PAK5: variants seen among roughly 807,000 people sequenced by gnomAD.
PAK5 encodes the protein serine/threonine-protein kinase PAK 5.
PAK5 carries 16 observed loss-of-function variants against 65.9 expected under a neutral mutation model. That is an observed-to-expected ratio of 0.24 (90% CI 0.16 to 0.37). The LOEUF (loss-of-function observed/expected upper bound fraction) is 0.37, where lower values mean the gene tolerates loss of function less well. Ranked by LOEUF, PAK5 falls within the 10% of genes least tolerant of loss-of-function variation. The pLI is 1.00. For missense variants in PAK5, 785 were observed against 903.9 expected (o/e 0.87, Z 1.69); for synonymous variants, 371 against 354.9 (o/e 1.05, Z -0.51).
At chr20:9,804,075 A>G (rs942503251) in intron 1 of PAK5, among the ~76,000 whole-genome samples, 1 of 152,064 alleles carries the variant, frequency 6.6e-6, no homozygotes, top group African/African-American at 2.4e-5. Context: ...TAGTCTGTGG[A>G]TCATCATCAT....
intron 1 of PAK5, among the ~76,000 whole-genome samples, chr20:9,762,853 C>G (rs1038957917): frequency 6.6e-6 from 1 of 151,972 alleles, no homozygotes; most frequent in African/African-American, 2.4e-5. Flanking sequence ...AGCCAAGAAA[C>G]GGAAACAACT....
At chr20:9,566,578 G>A (rs1046389401) in intron 4 of PAK5, among the ~76,000 whole-genome samples, 194 bp from the exon 5 acceptor site, 3 of 151,980 alleles carry the variant, frequency 2.0e-5, no homozygotes, top group African/African-American at 7.3e-5. Flanking sequence ...CACAGCAGGA[G>A]GTTACTTCAC....
intron 1 of PAK5, among the ~76,000 whole-genome samples, chr20:9,813,255 G>A (rs2049318824): frequency 6.6e-6 from 1 of 152,112 alleles, no homozygotes; most frequent in Non-Finnish European, 1.5e-5. Context: ...AGAAGTGGTA[G>A]AGAGGGACTG....
intron 3 of PAK5, among the ~76,000 whole-genome samples, chr20:9,602,209 T>G (rs2046372561): frequency 6.6e-6 from 1 of 151,898 alleles, no homozygotes; most frequent in African/African-American, 2.4e-5. Flanking sequence ...GAGAATCACT[T>G]GAACCCAGGA....
intron 3 of PAK5, 61 bp downstream of exon 3, chr20:9,644,064 G>T: frequency 8.2e-7 from 1 of 1,222,060 alleles, no homozygotes; most frequent in Non-Finnish European, 1.2e-6. Context: ...TAAAGCTGAT[G>T]CAGTGCATTA....
At chr20:9,547,688 T>C (rs1332715658) in intron 7 of PAK5, among the ~76,000 whole-genome samples, 1 of 152,082 alleles carries the variant, frequency 6.6e-6, no homozygotes, top group Non-Finnish European at 1.5e-5. Context: ...TGACAGGGTT[T>C]TTAAAGCATC....
chr20:9,818,088 T>C (rs1223903720), intron 1 of PAK5, among the ~76,000 whole-genome samples: 1 of 152,220 alleles, frequency 6.6e-6, no homozygotes, highest in Admixed American at 6.5e-5. Flanking sequence ...TTGGTATCTG[T>C]TCACTTCCTT....
rs2047585552 is a variant in PAK5, at chr20:9,677,118, CAGAA to C, written c.-11-32783_-11-32780del. The stretch of plus-strand genomic sequence containing the variant: ...TGTTATAATTATTTTGCATGGAAGA[CAGAA>C]GGAAAGGAATGTCTTTTTTAAAAAT... On this transcript the variant is annotated intron_variant, in intron 2 of 9. Transcript: ENST00000353224. Among the ~76,000 whole-genome samples, 2 of 150,868 alleles carry C rather than the reference CAGAA, an allele frequency of 1.3e-5. 1 individual carries two copies. The highest frequency in any genetic ancestry group is 4.2e-4 in the South Asian group (2 of 4,774).
chr20:9,673,006 C>T (rs2047521566), intron 2 of PAK5, among the ~76,000 whole-genome samples: 1 of 152,236 alleles, frequency 6.6e-6, no homozygotes, highest in Non-Finnish European at 1.5e-5. Context: ...TGCTCACCTC[C>T]CCTTCTCTCT....
At chr20:9,730,096 T>C (rs981797660) in intron 1 of PAK5, among the ~76,000 whole-genome samples, 11 of 150,846 alleles carry the variant, frequency 7.3e-5, no homozygotes, top group Non-Finnish European at 1.6e-4. Context: ...CATGTTCTCC[T>C]AAAAACAGTC....
At chr20:9,617,547 T>TC (rs1273601476) in intron 3 of PAK5, among the ~76,000 whole-genome samples, 7 of 136,890 alleles carry the variant, frequency 5.1e-5, no homozygotes, top group Non-Finnish European at 1.1e-4. Context: ...AGAATCCCAA[T>TC]CCTTTTTTTT....
chr20:9,733,690 C>T (rs1437456673), intron 1 of PAK5, among the ~76,000 whole-genome samples: 1 of 152,116 alleles, frequency 6.6e-6, no homozygotes, highest in Non-Finnish European at 1.5e-5. Context: ...AGTGATCCAC[C>T]CGCCTCATCC....
At chr20:9,819,914 AG>A (rs1390644054) in intron 1 of PAK5, among the ~76,000 whole-genome samples, 4 of 152,182 alleles carry the variant, frequency 2.6e-5, no homozygotes. Flanking sequence ...CAAGAGCTGT[AG>A]GGGGGCTGTC....
chr20:9,702,104 A>G (rs540478051), intron 2 of PAK5, among the ~76,000 whole-genome samples: 17 of 152,182 alleles, frequency 1.1e-4, no homozygotes, highest in Non-Finnish European at 2.1e-4. Flanking sequence ...TGACAGAGAA[A>G]TGACACCAGA....
At chr20:9,641,018 T>C (rs1029927030) in intron 3 of PAK5, among the ~76,000 whole-genome samples, 7 of 152,206 alleles carry the variant, frequency 4.6e-5, no homozygotes, top group African/African-American at 7.2e-5. Context: ...TTCTTTTATC[T>C]GGCCCCACCC....
At chr20:9,541,693 A>T (rs1024023317) in intron 9 of PAK5, among the ~76,000 whole-genome samples, 4 of 152,176 alleles carry the variant, frequency 2.6e-5, no homozygotes, top group Admixed American at 1.3e-4. Context: ...TCTTCAGCTT[A>T]AATCAGTGAT....
At chr20:9,802,182 G>A (rs2049177128) in intron 1 of PAK5, among the ~76,000 whole-genome samples, 3 of 152,288 alleles carry the variant, frequency 2.0e-5, no homozygotes, top group East Asian at 3.9e-4. Flanking sequence ...TGGGCAATAA[G>A]TGGGATCTCA....
At chr20:9,629,443 T>G (rs1029741717) in intron 3 of PAK5, among the ~76,000 whole-genome samples, 1 of 152,060 alleles carries the variant, frequency 6.6e-6, no homozygotes, top group Non-Finnish European at 1.5e-5. Context: ...TAGCCTTTTC[T>G]CTGGGTGGGC....
At chr20:9,770,055 G>A (rs1468682918) in intron 1 of PAK5, among the ~76,000 whole-genome samples, 1 of 152,062 alleles carries the variant, frequency 6.6e-6, no homozygotes, top group Non-Finnish European at 1.5e-5. Context: ...TTCTTTTTTA[G>A]ATGGGGAAAA....
Sources: gnomAD v4.1 joint callset for allele counts (sites outside exome capture counted in the v4.1 genomes callset) on GRCh38, gnomAD v4.1.1 for gene constraint, MANE v1.5 for transcripts, NCBI Gene and HGNC (gene_info 2026-07-23, HGNC 2026-07-21) for gene names.